TTLL4: variants seen among roughly 807,000 people sequenced by gnomAD.
The protein encoded by TTLL4 is tubulin tyrosine ligase like 4.
A neutral mutation model predicts 122.7 loss-of-function variants in TTLL4; 85 were observed. That is an observed-to-expected ratio of 0.69 (90% CI 0.58 to 0.83). The LOEUF is 0.83. Among genes scored for constraint, TTLL4 ranks in the 40% least tolerant of loss-of-function variants. The pLI is 0.00. For missense variants in TTLL4, 1,363 were observed against 1,488.6 expected (o/e 0.92, Z 1.39); for synonymous variants, 553 against 563.0 (o/e 0.98, Z 0.25).
chr2:218,729,722 T>G (rs1200028749), intron 2 of TTLL4, among the ~76,000 whole-genome samples: 3 of 149,836 alleles, frequency 2.0e-5, no homozygotes, highest in African/African-American at 7.5e-5. Flanking sequence ...GATAAATGTT[T>G]TAGGATTTTC....
rs760046892 is a variant in TTLL4 at position 218,737,670 on chromosome 2, G to A, written c.-7G>A. The A allele has an allele frequency of 1.3e-6, 2 of 1,574,332 alleles. No homozygotes were observed. The highest frequency in any genetic ancestry group is 3.6e-5 in the Admixed American group (2 of 55,454). On this transcript the variant is annotated 5_prime_UTR_variant, in exon 3 of 20. Transcript: ENST00000392102. The stretch of plus-strand genomic sequence containing the variant: ...ATGAGACCGTGTGGCCATGATGTGG[G>A]CCCCTCATGGCCTCAGCAGGAACAC...
At position 218,737,672 on chromosome 2, in the gene TTLL4, C is replaced by T. The variant is rs558021515; in HGVS notation, c.-5C>T. 2.5e-6 allele frequency: 4 copies of T among 1,571,366 alleles called. No homozygotes were observed. Among genetic ancestry groups the T allele is most frequent in the Non-Finnish European group, 3.5e-6 (4 of 1,157,820 alleles). On this transcript the variant is annotated 5_prime_UTR_variant, in exon 3 of 20. Transcript: ENST00000392102. ...GAGACCGTGTGGCCATGATGTGGGCCCCTCATGGCCTCAGCAGGAACACAG... is the reference window on the plus strand; with the variant it reads ...GAGACCGTGTGGCCATGATGTGGGCTCCTCATGGCCTCAGCAGGAACACAG...
intron 19 of TTLL4, 91 bp from the exon 20 acceptor site, chr2:218,754,043 G>A: frequency 7.7e-6 from 12 of 1,558,646 alleles, no homozygotes; most frequent in Non-Finnish European, 1.0e-5. Flanking sequence ...GTAATGTCGT[G>A]AATGCCTGCT....
In TTLL4 at chr2:218,755,374, A is replaced by G. The variant is rs903659206; in HGVS notation, c.*985A>G. On this transcript the variant is annotated 3_prime_UTR_variant, in exon 20 of 20. Transcript: ENST00000392102. ...TAAACTCTTGTACTGAACTGATTCTACCTCCCTCCTCTAGACTCAGTAAAC... is the reference window on the plus strand; with the variant it reads ...TAAACTCTTGTACTGAACTGATTCTGCCTCCCTCCTCTAGACTCAGTAAAC... 12 of 151,950 alleles carry G rather than the reference A, an allele frequency of 7.9e-5. No individual in the cohort carries two copies. Among genetic ancestry groups the G allele is most frequent in the Admixed American group, 7.2e-4 (11 of 15,262 alleles). The allele number at this position is 151,950 out of a possible 1,614,324, so 9.4% of individuals were successfully genotyped here.
At chr2:218,748,048 C>A in intron 11 of TTLL4, 57 bp from the exon 12 acceptor site, 1 of 1,608,762 alleles carries the variant, frequency 6.2e-7, no homozygotes, top group South Asian at 1.1e-5. Flanking sequence ...ATGTTTGGCC[C>A]CTTCTCCATC....
intron 1 of TTLL4, among the ~76,000 whole-genome samples, chr2:218,726,945 G>C (rs369473401): frequency 6.6e-6 from 1 of 152,094 alleles, no homozygotes; most frequent in Non-Finnish European, 1.5e-5. Context: ...CTGTAGCTGG[G>C]ATTACAGGTG....
chr2:218,738,956 A>C lies in TTLL4; in HGVS notation c.1280A>C (p.His427Pro). ...ATCAGCATTCACCTCCTTGCCTCAC[A>C]TGCCAGTGGGCTCAATCACAACCCT... ...KRISIHLLAS[H>P]ASGLNHNPAC... The change falls in exon 3 of 20, where the codon CAT becomes CCT. Residue 427 changes from histidine (H) to proline (P), a missense_variant. Physicochemically the swap from His to Pro is moderately conservative, Grantham distance 77 (BLOSUM62 -2). Transcript: ENST00000392102. The C allele has an allele frequency of 6.2e-7, 1 of 1,614,220 alleles. No individual in the cohort carries two copies. Among genetic ancestry groups the C allele is most frequent in the Non-Finnish European group, 8.5e-7 (1 of 1,180,048 alleles).
At chr2:218,730,162 A>G (rs1353283599) in intron 2 of TTLL4, among the ~76,000 whole-genome samples, 3 of 151,916 alleles carry the variant, frequency 2.0e-5, no homozygotes, top group Admixed American at 1.3e-4. Flanking sequence ...TAGAATTTCT[A>G]GTATAGGGTC....
At chr2:218,725,060 C>T (rs1942149956) in intron 1 of TTLL4, among the ~76,000 whole-genome samples, 1 of 151,878 alleles carries the variant, frequency 6.6e-6, no homozygotes, top group Non-Finnish European at 1.5e-5. Context: ...CCACCACACC[C>T]AGCTAATTTT....
chr2:218,728,919 C>CTT (rs1339178643), intron 2 of TTLL4, among the ~76,000 whole-genome samples: 2 of 98,544 alleles, frequency 2.0e-5, no homozygotes, highest in African/African-American at 9.1e-5. Flanking sequence ...AGCTGGTGGT[C>CTT]TATTTTTTTT....
At position 218,737,920 on chromosome 2, in the gene TTLL4, T is replaced by C; in HGVS notation, c.244T>C (p.Phe82Leu). The C allele has an allele frequency of 6.2e-7, 1 of 1,614,190 alleles. No individual in the cohort carries two copies. Among genetic ancestry groups the C allele is most frequent in the Non-Finnish European group, 8.5e-7 (1 of 1,180,028 alleles). ...CGTCCCACCCCAGCCAGCATATTTC[T>C]TTTGCCCCAGCACTTTATGTAGCTC... Reference protein sequence around the residue: ...LGVPPQPAYFFCPSTLCSSGT... With the variant: ...LGVPPQPAYFLCPSTLCSSGT... Residue 82 changes from phenylalanine to leucine, a missense_variant, in exon 3 of 20, where the codon TTT (phenylalanine) becomes CTT (leucine). Phe to Leu is a conservative substitution (Grantham distance 22). Around this residue, in one of 3 missense-constraint regions of TTLL4, gnomAD observed 760 missense variants for 808.4 expected, o/e 0.94. Coordinates refer to ENST00000392102, the MANE Select transcript of TTLL4 (RefSeq NM_014640.5).
In TTLL4 at chr2:218,747,126, C is replaced by T. The variant is rs757465839; in HGVS notation, c.2098C>T (p.Pro700Ser). The T allele has an allele frequency of 1.9e-6, 3 of 1,614,226 alleles. No homozygotes were observed. Among genetic ancestry groups the T allele is most frequent in the Non-Finnish European group, 2.5e-6 (3 of 1,180,038 alleles). The change falls in exon 9 of 20, where the codon CCC becomes TCC. Residue 700 changes from proline to serine, a missense_variant. Coordinates refer to ENST00000392102, the MANE Select transcript of TTLL4 (RefSeq NM_014640.5). The surrounding 1 kb of genome is among the most constrained non-coding windows in gnomAD (Gnocchi z 4.7). ...TTTCTTCCCCCAGTCCTTTATCCTG[C>T]CCCAGGACGCCAAGCTCCTGCGCAA... The part of the protein sequence containing the change: ...FSFFPQSFIL[P>S]QDAKLLRKAW...
chr2:218,744,454 C>T (rs894846493), intron 5 of TTLL4, among the ~76,000 whole-genome samples: 9 of 152,116 alleles, frequency 5.9e-5, no homozygotes, highest in Non-Finnish European at 1.2e-4. Context: ...AGTAGGGACC[C>T]CCATGGCCCA....
intron 1 of TTLL4, among the ~76,000 whole-genome samples, chr2:218,718,292 C>T (rs1306140333): frequency 6.6e-6 from 1 of 152,136 alleles, no homozygotes; most frequent in East Asian, 1.9e-4. Context: ...ATTGCTTTCT[C>T]TAGAAATAGA....
At position 218,745,755 on chromosome 2, in the gene TTLL4, C is replaced by G. The variant is rs780705662; in HGVS notation, c.1851C>G (p.Asn617Lys). ...LRWKMSTVTP[N>K]IVKQTIGRSH... is the part of the protein sequence containing the mutation. ...GGAAGATGAGCACAGTGACCCCCAACATTGTCAAGCAGACCATTGGACGGT... is the reference window on the plus strand; with the variant it reads ...GGAAGATGAGCACAGTGACCCCCAAGATTGTCAAGCAGACCATTGGACGGT... Residue 617 changes from asparagine (N) to lysine (K), a missense_variant, in exon 7 of 20, where the codon AAC becomes AAG. Asn to Lys is a moderately conservative substitution (Grantham distance 94). This residue lies in a region of TTLL4 where 760 missense variants were observed against 808.4 expected (regional missense o/e 0.94). Transcript: ENST00000392102. 1 of 1,613,628 alleles carries G rather than the reference C, an allele frequency of 6.2e-7. No homozygotes were observed. Among genetic ancestry groups the G allele is most frequent in the Non-Finnish European group, 8.5e-7 (1 of 1,179,872 alleles).
chr2:218,745,364 C>T (rs1942813436), intron 6 of TTLL4, 131 bp downstream of exon 6: 2 of 1,260,336 alleles, frequency 1.6e-6, no homozygotes, highest in Non-Finnish European at 2.2e-6. Flanking sequence ...ACACTGTGCT[C>T]AGTTCCCCAT....
In TTLL4 at chr2:218,751,728, A is replaced by G. The variant is rs1189011289; in HGVS notation, c.2898A>G (p.Lys966=). The change falls in exon 16 of 20, where the codon AAA becomes AAG. Residue 966 remains lysine (K), a synonymous_variant. Transcript: ENST00000392102. ...GCCTGCCCACCTCCCCTGGGGACAAATGTCGAATGGCTCCAGAGCATGTCA... is the reference window on the plus strand; with the variant it reads ...GCCTGCCCACCTCCCCTGGGGACAAGTGTCGAATGGCTCCAGAGCATGTCA... ...TTSLPTSPGD[K]CRMAPEHVTA... The G allele has an allele frequency of 6.2e-7, 1 of 1,613,206 alleles. No homozygotes were observed. The highest frequency in any genetic ancestry group is 2.2e-5 in the East Asian group (1 of 44,850).
intron 2 of TTLL4, among the ~76,000 whole-genome samples, chr2:218,727,553 C>T (rs554761187): frequency 5.9e-5 from 9 of 152,154 alleles, no homozygotes; most frequent in East Asian, 1.9e-4. Flanking sequence ...CTGGCTAACA[C>T]GGTGAAACCC....
intron 1 of TTLL4, among the ~76,000 whole-genome samples, chr2:218,726,374 G>A (rs1001463328): frequency 2.6e-5 from 4 of 152,172 alleles, no homozygotes; most frequent in African/African-American, 9.7e-5. Context: ...ATGCCTAGGG[G>A]TAGTCTTATT....
Sources: allele counts gnomAD v4.1 joint callset (sites outside exome capture counted in the v4.1 genomes callset), GRCh38; gene constraint gnomAD v4.1.1; regional missense constraint gnomAD v4.1.1; non-coding constraint Gnocchi (gnomAD v3.1); transcripts MANE v1.5; gene names NCBI Gene and HGNC (gene_info 2026-07-23, HGNC 2026-07-21).